PLEKHF2: variants seen among roughly 807,000 people sequenced by gnomAD.
PLEKHF2 encodes the protein pleckstrin homology and FYVE domain containing 2.
A neutral mutation model predicts 14.7 loss-of-function variants in PLEKHF2; 4 were observed. The ratio of observed to expected loss-of-function variants is 0.27; its 90% confidence interval spans 0.13 to 0.62. The LOEUF (loss-of-function observed/expected upper bound fraction) is 0.62, where lower values mean the gene tolerates loss of function less well. Among genes scored for constraint, PLEKHF2 ranks in the 20% least tolerant of loss-of-function variants. The pLI is 0.85. For missense variants in PLEKHF2, 201 were observed against 307.7 expected, an observed-to-expected ratio of 0.65 and a Z score of 2.60; for synonymous variants, 90 against 103.5, an observed-to-expected ratio of 0.87 and a Z score of 0.79.
intron 1 of PLEKHF2, among the ~76,000 whole-genome samples, chr8:95,149,450 G>A (rs1013313379): frequency 1.3e-5 from 2 of 152,148 alleles, no homozygotes; most frequent in African/African-American, 2.4e-5. Flanking sequence ...CATCTATAGA[G>A]TGCTCAGTGA....
chr8:95,144,867 GAAA>G (rs35770837), intron 1 of PLEKHF2, among the ~76,000 whole-genome samples: 3 of 65,112 alleles, frequency 4.6e-5, no homozygotes, highest in Non-Finnish European at 6.2e-5. Flanking sequence ...TCTGTCTCAA[GAAA>G]AAAAAAAAAA....
Position 95,154,450 on chromosome 8 carries a change from A to C in PLEKHF2, c.406A>C (p.Lys136Gln). Residue 136 changes from lysine (K) to glutamine (Q), a missense_variant, in exon 2 of 2, where the codon AAA becomes CAA. Coordinates refer to ENST00000315367, the MANE Select transcript of PLEKHF2 (RefSeq NM_024613.4). The surrounding 1 kb of genome is among the most constrained non-coding windows in gnomAD (Gnocchi z 5.6). ...INKCVTDLLS[K>Q]SGKTPSNEHA... Reference sequence around the variant, plus strand: ...TAAATGTGTTACTGATTTACTCTCCAAAAGTGGGAAGACACCCAGTAATGA... The same window carrying C: ...TAAATGTGTTACTGATTTACTCTCCCAAAGTGGGAAGACACCCAGTAATGA... The C allele has an allele frequency of 2.5e-6, 4 of 1,614,108 alleles. No homozygotes were observed. Among genetic ancestry groups the C allele is most frequent in the Non-Finnish European group, 3.4e-6 (4 of 1,179,942 alleles).
chr8:95,154,054 C>T lies in PLEKHF2; in HGVS notation c.10C>T (p.Arg4Cys), dbSNP rs780687383. 1.5e-5 allele frequency: 24 copies of T among 1,571,474 alleles called. No individual in the cohort carries two copies. Among genetic ancestry groups the T allele is most frequent in the African/African-American group, 5.5e-5 (4 of 73,180 alleles). Residue 4 changes from arginine to cysteine, a missense_variant, in exon 2 of 2, where the codon CGC becomes TGC. Physicochemically the swap from Arg to Cys is radical, Grantham distance 180. Coordinates refer to ENST00000315367, the MANE Select transcript of PLEKHF2 (RefSeq NM_024613.4). This position sits in a 1 kb window ranked among gnomAD's most constrained non-coding sequence, Gnocchi z 5.6. ...AGGCTATTAGTGAAAGATGGTGGAT[C>T]GCTTGGCAAACAGTGAAGCAAATAC... is the stretch of plus-strand genomic sequence containing the variant. MVD[R>C]LANSEANTRR...
In PLEKHF2 at chr8:95,154,395, G is replaced by A. The variant is rs377639353; in HGVS notation, c.351G>A (p.Thr117=). The A allele has an allele frequency of 8.7e-6, 14 of 1,613,924 alleles. No individual in the cohort carries two copies. The highest frequency in any genetic ancestry group is 1.6e-4 in the Middle Eastern group (1 of 6,084). Residue 117 remains threonine, a synonymous_variant, in exon 2 of 2, where the codon ACG becomes ACA. Coordinates refer to ENST00000315367, the MANE Select transcript of PLEKHF2 (RefSeq NM_024613.4). This position sits in a 1 kb window ranked among gnomAD's most constrained non-coding sequence, Gnocchi z 5.6. ...TTGCAGTTTATGCTGCCACTGCTACGGAGAAATCAGAATGGATGAATCATA... is the reference window on the plus strand; with the variant it reads ...TTGCAGTTTATGCTGCCACTGCTACAGAGAAATCAGAATGGATGAATCATA... ...KSFAVYAATA[T]EKSEWMNHIN... is the part of the protein sequence containing the mutation.
chr8:95,151,677 TA>T (rs549544399), intron 1 of PLEKHF2, among the ~76,000 whole-genome samples: 5 of 152,240 alleles, frequency 3.3e-5, no homozygotes, highest in African/African-American at 1.2e-4. Context: ...TTTAATTTAT[TA>T]TTTTTTAAAA....
Position 95,148,075 on chromosome 8 carries a change from C to G in PLEKHF2, c.-14-5956C>G, listed in dbSNP as rs1449147852. Among the ~76,000 whole-genome samples the G allele has an allele frequency of 2.6e-5, 4 of 151,772 alleles. No homozygotes were observed. In the East Asian group the frequency reaches 7.7e-4, roughly 29 times the overall value. On this transcript the variant is annotated intron_variant, in intron 1 of 1. Transcript: ENST00000315367. ...CTAAGGACAAAAAATGGAAATAATACACGTTCATGCATTCAAAGTTTCATT... is the reference window on the plus strand; with the variant it reads ...CTAAGGACAAAAAATGGAAATAATAGACGTTCATGCATTCAAAGTTTCATT...
rs180791014 is a variant in PLEKHF2, at chr8:95,139,496, G to A, written c.-15+5466G>A. On this transcript the variant is annotated intron_variant, in intron 1 of 1. Transcript: ENST00000315367. ...CACTCCAGCCTGGGTGACAAAGCAA[G>A]ACCCTGTCCTGTCAATCAATCAATA... Among the ~76,000 whole-genome samples, 10 of 152,302 alleles carry A rather than the reference G, an allele frequency of 6.6e-5. No individual in the cohort carries two copies. In the East Asian group the frequency reaches 7.7e-4, roughly 12 times the overall value.
At chr8:95,138,012 C>G (rs545413817) in intron 1 of PLEKHF2, among the ~76,000 whole-genome samples, 2 of 152,306 alleles carry the variant, frequency 1.3e-5, no homozygotes, top group South Asian at 4.1e-4. Flanking sequence ...AGTTCATGTT[C>G]TAACCATGAA....
In PLEKHF2 at chr8:95,155,072, ATGTT is replaced by A. The variant is rs1195210932; in HGVS notation, c.*284_*287del. 1.7e-5 allele frequency: 7 copies of A among 400,526 alleles called. No individual in the cohort carries two copies. The highest frequency in any genetic ancestry group is 9.3e-6 in the Non-Finnish European group (2 of 214,032). The allele number at this position is 400,526 out of a possible 1,614,324, so 24.8% of individuals were successfully genotyped here. On this transcript the variant is annotated 3_prime_UTR_variant, in exon 2 of 2. Coordinates refer to ENST00000315367, the MANE Select transcript of PLEKHF2 (RefSeq NM_024613.4). ...TATTTTCTTGGAAGGTTGGGAAAAG[ATGTT>A]TGTTTTAACAGGTCATGTACTACGT...
chr8:95,144,504 G>T lies in PLEKHF2; in HGVS notation c.-14-9527G>T, dbSNP rs118033049. ...TGGCCATTCCAAATACATAATATAG[G>T]TCCATATGCAAAAAATATTTCTGTC... On this transcript the variant is annotated intron_variant, in intron 1 of 1. Coordinates refer to ENST00000315367, the MANE Select transcript of PLEKHF2 (RefSeq NM_024613.4). Among the ~76,000 whole-genome samples, 101 of 151,880 alleles carry T rather than the reference G, an allele frequency of 6.6e-4. 2 individuals are homozygous for T. In the East Asian group the frequency reaches 0.019, roughly 29 times the overall value.
intron 1 of PLEKHF2, among the ~76,000 whole-genome samples, chr8:95,141,610 C>T (rs192353936): frequency 6.6e-6 from 1 of 152,026 alleles, no homozygotes; most frequent in Non-Finnish European, 1.5e-5. Context: ...ACTGCAACCT[C>T]TGCCTTCTGG....
intron 1 of PLEKHF2, among the ~76,000 whole-genome samples, chr8:95,138,909 G>A (rs1242403571): frequency 6.6e-6 from 1 of 152,042 alleles, no homozygotes; most frequent in Admixed American, 6.5e-5. Flanking sequence ...TTTAATTTTT[G>A]TATGTATTAT....
At chr8:95,145,715 C>A (rs750370584) in intron 1 of PLEKHF2, among the ~76,000 whole-genome samples, 1 of 152,084 alleles carries the variant, frequency 6.6e-6, no homozygotes, top group Non-Finnish European at 1.5e-5. Context: ...TGAGCCACTG[C>A]GCCTGGCCAA....
intron 1 of PLEKHF2, among the ~76,000 whole-genome samples, chr8:95,143,059 G>T (rs914739204): frequency 6.6e-6 from 1 of 150,988 alleles, no homozygotes; most frequent in African/African-American, 2.4e-5. Context: ...TTTTTTTTAG[G>T]TGCTGTTGCA....
intron 1 of PLEKHF2, among the ~76,000 whole-genome samples, chr8:95,144,498 A>AT (rs1377246932): frequency 1.3e-5 from 2 of 152,158 alleles, no homozygotes; most frequent in Non-Finnish European, 2.9e-5. Flanking sequence ...CAAATACATA[A>AT]TATAGGTCCA....
At chr8:95,148,617 C>T (rs1319970353) in intron 1 of PLEKHF2, among the ~76,000 whole-genome samples, 1 of 151,964 alleles carries the variant, frequency 6.6e-6, no homozygotes, top group Non-Finnish European at 1.5e-5. Flanking sequence ...TGCAAGCTAC[C>T]ACTCGTTGAC....
At chr8:95,139,552 G>A (rs888168389) in intron 1 of PLEKHF2, among the ~76,000 whole-genome samples, 4 of 152,078 alleles carry the variant, frequency 2.6e-5, no homozygotes, top group Non-Finnish European at 4.4e-5. Context: ...TTACTTTAAT[G>A]TTCTTCCCCC....
chr8:95,154,639 A>G lies in PLEKHF2; in HGVS notation c.595A>G (p.Lys199Glu). The change falls in exon 2 of 2, where the codon AAG (lysine) becomes GAG (glutamate). Residue 199 changes from lysine to glutamate, a missense_variant. Lys to Glu is a moderately conservative substitution (Grantham distance 56). Coordinates refer to ENST00000315367, the MANE Select transcript of PLEKHF2 (RefSeq NM_024613.4). The surrounding 1 kb of genome is among the most constrained non-coding windows in gnomAD (Gnocchi z 5.6). ...ATTTCTTCTTCCCAGCCAGTCCTCT[A>G]AGCCTGTGCGGATTTGTGACTTCTG... ...KRFLLPSQSS[K>E]PVRICDFCYD... The G allele has an allele frequency of 1.2e-6, 2 of 1,614,120 alleles. No homozygotes were observed. Among genetic ancestry groups the G allele is most frequent in the Non-Finnish European group, 1.7e-6 (2 of 1,179,992 alleles).
At chr8:95,145,869 T>G (rs1421222809) in intron 1 of PLEKHF2, among the ~76,000 whole-genome samples, 1 of 152,224 alleles carries the variant, frequency 6.6e-6, no homozygotes, top group African/African-American at 2.4e-5. Context: ...ACTCAGAATA[T>G]TTGTTCATTT....
Sources: gnomAD v4.1 joint callset for allele counts (sites outside exome capture counted in the v4.1 genomes callset) on GRCh38, gnomAD v4.1.1 for gene constraint, Gnocchi (gnomAD v3.1) non-coding constraint, MANE v1.5 for transcripts, NCBI Gene and HGNC (gene_info 2026-07-23, HGNC 2026-07-21) for gene names.